Variants in NUMB observed in about 807,000 individuals in gnomAD.
NUMB encodes the protein protein numb homolog.
A neutral mutation model predicts 59.7 loss-of-function variants in NUMB; 29 were observed. The ratio of observed to expected loss-of-function variants is 0.49; its 90% CI spans 0.36 to 0.66. The LOEUF (loss-of-function observed/expected upper bound fraction) is 0.66, where lower values mean the gene tolerates loss of function less well. Among genes scored for constraint, NUMB ranks in the 30% least tolerant of loss-of-function variants. The probability of loss-of-function intolerance (pLI) is 0.00; values close to 1 mark genes in which losing one functional copy is unlikely to be tolerated. For missense variants in NUMB, 723 were observed against 822.0 expected (o/e 0.88, Z 1.47); for synonymous variants, 288 against 288.2 (o/e 1.00, Z 0.01).
intron 1 of NUMB, among the ~76,000 whole-genome samples, chr14:73,415,997 C>T (rs2215061): frequency 0.55 from 84,380 of 152,050 alleles, 24,376 homozygotes; most frequent in East Asian, 0.83. Context: ...AGTGAATTCA[C>T]AGAACTCAAC....
At chr14:73,288,492 T>C (rs1384672340) in intron 8 of NUMB, among the ~76,000 whole-genome samples, 2 of 151,898 alleles carry the variant, frequency 1.3e-5, no homozygotes, top group Non-Finnish European at 2.9e-5. Context: ...TAGAGGTTGC[T>C]GTGAGCTGAG....
chr14:73,363,066 C>G (rs751316047), intron 3 of NUMB, among the ~76,000 whole-genome samples: 4 of 151,986 alleles, frequency 2.6e-5, no homozygotes, highest in African/African-American at 4.8e-5. Flanking sequence ...GAGGCTGAGG[C>G]CGGTGGATCA....
At position 73,276,583 on chromosome 14, in the gene NUMB, G is replaced by T; in HGVS notation, c.1951C>A (p.Leu651Ile). The T allele has an allele frequency of 6.2e-7, 1 of 1,611,358 alleles. No individual in the cohort carries two copies. The highest frequency in any genetic ancestry group is 1.1e-5 in the South Asian group (1 of 90,892). ...SDLQKTFEIE[L>I] is the part of the protein sequence containing the mutation. Reference sequence around the variant, plus strand: ...TACATAGCCATAATGATTGCTTAAAGTTCAATTTCAAACGTCTTCTGTAAG... The same window carrying T: ...TACATAGCCATAATGATTGCTTAAATTTCAATTTCAAACGTCTTCTGTAAG... Residue 651 changes from leucine to isoleucine, a missense_variant, in exon 13 of 13, where the codon CTT (leucine) becomes ATT (isoleucine). Around this residue, in one of 2 missense-constraint regions of NUMB, gnomAD observed 406 missense variants for 385.4 expected, o/e 1.05. Coordinates refer to ENST00000555238, the MANE Select transcript of NUMB (RefSeq NM_001005743.2).
At chr14:73,291,469 C>A (rs189090658) in intron 8 of NUMB, among the ~76,000 whole-genome samples, 40 of 152,202 alleles carry the variant, frequency 2.6e-4, no homozygotes, top group African/African-American at 7.7e-4. Flanking sequence ...ACCTCTGCCT[C>A]CGAGTTCAAG....
chr14:73,439,945 A>G (rs1481503775), intron 1 of NUMB, among the ~76,000 whole-genome samples: 1 of 152,208 alleles, frequency 6.6e-6, no homozygotes, highest in Non-Finnish European at 1.5e-5. Flanking sequence ...CCGTTCAAGT[A>G]TAAGGTTAAC....
intron 4 of NUMB, among the ~76,000 whole-genome samples, chr14:73,329,216 T>G (rs763767491): frequency 2.6e-5 from 4 of 152,178 alleles, no homozygotes; most frequent in Non-Finnish European, 5.9e-5. Flanking sequence ...AGTTTTCATC[T>G]CGATGAGGTT....
intron 1 of NUMB, among the ~76,000 whole-genome samples, chr14:73,410,842 G>A (rs1000361368): frequency 1.3e-5 from 2 of 152,058 alleles, no homozygotes; most frequent in Non-Finnish European, 2.9e-5. Flanking sequence ...TATTTATTAG[G>A]TAACCAATAT....
At chr14:73,343,452 A>T (rs1440984950) in intron 4 of NUMB, among the ~76,000 whole-genome samples, 3 of 152,236 alleles carry the variant, frequency 2.0e-5, no homozygotes, top group African/African-American at 7.2e-5. Context: ...AGTTGCCTAC[A>T]TGACAGGCAT....
At position 73,276,723 on chromosome 14, in the gene NUMB, G is replaced by C. The variant is rs1488968579; in HGVS notation, c.1811C>G (p.Thr604Arg). The change falls in exon 13 of 13, where the codon ACA (threonine) becomes AGA (arginine). Residue 604 changes from threonine (T) to arginine (R), a missense_variant. This residue lies in a region of NUMB where 406 missense variants were observed against 385.4 expected (regional missense o/e 1.05). Transcript: ENST00000555238. ...TGGGCAGGTGCCTGTAGGAACCTCT[G>C]TATGCCTGTCTGCTGAGGCCAACCT... Reference protein sequence around the residue: ...DGRLASADRHTEVPTGTCPVD... With the variant: ...DGRLASADRHREVPTGTCPVD... 1.9e-6 allele frequency: 3 copies of C among 1,614,080 alleles called. No individual in the cohort carries two copies. Among genetic ancestry groups the C allele is most frequent in the Non-Finnish European group, 2.5e-6 (3 of 1,180,028 alleles).
chr14:73,442,771 G>A (rs1883159341), intron 1 of NUMB, among the ~76,000 whole-genome samples: 1 of 152,230 alleles, frequency 6.6e-6, no homozygotes, highest in Non-Finnish European at 1.5e-5. Flanking sequence ...AGGGAGAGAT[G>A]TATTACAAAA....
Position 73,313,316 on chromosome 14 carries a change from A to C in NUMB, c.234+3074T>G, listed in dbSNP as rs139511090. ...TTTTTTTTTTGAAAGCGAAATACTT[A>C]TGTGTGAATAAATGTAAGAAAATGA... On this transcript the variant is annotated intron_variant, in intron 6 of 12. Transcript: ENST00000555238. Among the ~76,000 whole-genome samples the C allele has an allele frequency of 6.5e-3, 983 of 151,658 alleles. 4 individuals are homozygous for C. The highest frequency in any genetic ancestry group is 0.023 in the African/African-American group (947 of 41,352).
chr14:73,318,918 G>A (rs913624690), intron 5 of NUMB, among the ~76,000 whole-genome samples: 1 of 152,156 alleles, frequency 6.6e-6, no homozygotes, highest in African/African-American at 2.4e-5. Context: ...TAAATTGTAA[G>A]AGAGTATTTT....
At chr14:73,419,937 C>T (rs1275596371) in intron 1 of NUMB, among the ~76,000 whole-genome samples, 1 of 152,214 alleles carries the variant, frequency 6.6e-6, no homozygotes, top group Non-Finnish European at 1.5e-5. Flanking sequence ...GCCATCTTGG[C>T]TCATTGCAAC....
At chr14:73,365,360 A>T (rs757774940) in intron 3 of NUMB, among the ~76,000 whole-genome samples, 1 of 152,154 alleles carries the variant, frequency 6.6e-6, no homozygotes, top group Admixed American at 6.6e-5. Flanking sequence ...TTCTTTATGG[A>T]AAAAAGAGAA....
At chr14:73,406,921 G>A (rs186278179) in intron 2 of NUMB, among the ~76,000 whole-genome samples, 12 of 152,162 alleles carry the variant, frequency 7.9e-5, no homozygotes, top group African/African-American at 1.4e-4. Flanking sequence ...CATATCCTTC[G>A]CCCACTTTTT....
chr14:73,446,432 C>A (rs1244656261), intron 1 of NUMB, among the ~76,000 whole-genome samples: 1 of 151,676 alleles, frequency 6.6e-6, no homozygotes, highest in Non-Finnish European at 1.5e-5. Flanking sequence ...ATGGTGAAAC[C>A]CCGTCTCTAC....
At position 73,303,527 on chromosome 14, in the gene NUMB, C is replaced by T. The variant is rs890085151; in HGVS notation, c.235-6242G>A. ...CCCAGGAGGCAGAGGTTGCAGTGAGCCAAGCAAGATCACACTACTGCACTC... is the reference window on the plus strand; with the variant it reads ...CCCAGGAGGCAGAGGTTGCAGTGAGTCAAGCAAGATCACACTACTGCACTC... On this transcript the variant is annotated intron_variant, in intron 6 of 12. Transcript: ENST00000555238. Among the ~76,000 whole-genome samples, 5 of 151,878 alleles carry T rather than the reference C, an allele frequency of 3.3e-5. No homozygotes were observed. The East Asian group carries it at 9.7e-4, about 29-fold the overall frequency.
intron 2 of NUMB, among the ~76,000 whole-genome samples, chr14:73,385,495 C>CTTTTTTT (rs1566773092): frequency 7.4e-5 from 5 of 67,542 alleles, no homozygotes; most frequent in African/African-American, 1.5e-4. Flanking sequence ...TGGCTAGTGG[C>CTTTTTTT]CTTTTTTTTT....
chr14:73,398,415 A>AGAGAGAGTGAGT (rs1438462148), intron 2 of NUMB, among the ~76,000 whole-genome samples: 1 of 118,804 alleles, frequency 8.4e-6, no homozygotes, highest in African/African-American at 3.3e-5. Flanking sequence ...AGAGAGAGAG[A>AGAGAGAGTGAGT]GTGTGTGTGT....
Sources: allele counts gnomAD v4.1 joint callset (sites outside exome capture counted in the v4.1 genomes callset), GRCh38; gene constraint gnomAD v4.1.1; regional missense constraint gnomAD v4.1.1; transcripts MANE v1.5; gene names NCBI Gene and HGNC (gene_info 2026-07-23, HGNC 2026-07-21).